N4BP2L2: variants seen among roughly 807,000 people sequenced by gnomAD.
The protein encoded by N4BP2L2 is NEDD4-binding protein 2-like 2.
A neutral mutation model predicts 56.2 loss-of-function variants in N4BP2L2; 50 were observed. That is an observed-to-expected ratio of 0.89 (90% confidence interval 0.71 to 1.13). The LOEUF is 1.13. Among genes scored for constraint, N4BP2L2 ranks in the 50% most tolerant of loss-of-function variants. The pLI, the probability that N4BP2L2 is intolerant of heterozygous loss-of-function variation, is 0.00. For synonymous variants in N4BP2L2, 203 were observed against 223.6 expected, an observed-to-expected ratio of 0.91 and a Z score of 0.82; for missense variants, 689 against 693.8, an observed-to-expected ratio of 0.99 and a Z score of 0.08.
chr13:32,516,882 G>T (rs2049346595), exon 6 of N4BP2L2: 2 of 984,134 alleles, frequency 2.0e-6, no homozygotes, highest in Middle Eastern at 1.0e-3. Flanking sequence ...TGAATGACAA[G>T]ACCTCTGAAA....
In N4BP2L2 at chr13:32,443,558, C is replaced by A. The variant is rs190057029; in HGVS notation, c.934G>T (p.Val312Leu). The change falls in exon 7 of 10, where the codon GTA becomes TTA. Residue 312 changes from valine to leucine, a missense_variant. Val to Leu is a conservative substitution (Grantham distance 32). Coordinates refer to the N4BP2L2 transcript ENST00000357505. ...GGTTCATGTGAGAGATTTTTATCTACTATTTCTCTCTTCTTCATAAATAAG... is the reference window on the plus strand; with the variant it reads ...GGTTCATGTGAGAGATTTTTATCTAATATTTCTCTCTTCTTCATAAATAAG... The A allele has an allele frequency of 1.0e-4, 169 of 1,610,732 alleles. No homozygotes were observed. In the African/African-American group the frequency reaches 1.9e-3, roughly 19 times the overall value.
intron 8 of N4BP2L2, among the ~76,000 whole-genome samples, chr13:32,436,571 C>T (rs1161378998): frequency 1.3e-5 from 2 of 151,956 alleles, no homozygotes; most frequent in South Asian, 2.1e-4. Context: ...GGGTGGATCA[C>T]CTGAGGTCAG....
At chr13:32,535,339 T>G (rs1033147419) in intron 2 of N4BP2L2, among the ~76,000 whole-genome samples, 1 of 152,260 alleles carries the variant, frequency 6.6e-6, no homozygotes, top group Non-Finnish European at 1.5e-5. Flanking sequence ...AGTTCTCAAG[T>G]AGCATTTGCT....
At chr13:32,455,214 A>C (rs2078766602) in intron 6 of N4BP2L2, among the ~76,000 whole-genome samples, 1 of 152,222 alleles carries the variant, frequency 6.6e-6, no homozygotes, top group East Asian at 1.9e-4. Context: ...ATGCTGGTTA[A>C]ACCCAGGGGA....
intron 6 of N4BP2L2, among the ~76,000 whole-genome samples, chr13:32,458,385 C>T (rs1222901130): frequency 1.3e-5 from 2 of 152,034 alleles, no homozygotes; most frequent in South Asian, 2.1e-4. Context: ...TTTAAATTAC[C>T]CAATTACATG....
chr13:32,480,264 A>G (rs2084334815), intron 6 of N4BP2L2, among the ~76,000 whole-genome samples: 1 of 152,210 alleles, frequency 6.6e-6, no homozygotes, highest in Non-Finnish European at 1.5e-5. Context: ...TTCTATATCT[A>G]TTGACAATAT....
At chr13:32,480,749 T>C (rs542767655) in intron 6 of N4BP2L2, 1 of 525,286 alleles carries the variant, frequency 1.9e-6, no homozygotes, top group East Asian at 7.3e-5. Context: ...TTTTATAGAC[T>C]GAAGAACTCA....
intron 6 of N4BP2L2, among the ~76,000 whole-genome samples, chr13:32,465,498 T>G (rs1484671749): frequency 6.6e-6 from 1 of 152,126 alleles, no homozygotes; most frequent in East Asian, 1.9e-4. Context: ...AGAAATTTAT[T>G]TTATAGCCTT....
chr13:32,504,192 T>C (rs1208141897), intron 6 of N4BP2L2, among the ~76,000 whole-genome samples: 6 of 152,188 alleles, frequency 3.9e-5, no homozygotes, highest in Non-Finnish European at 8.8e-5. Flanking sequence ...AAGAAGGAAA[T>C]GTCTCCAAAG....
chr13:32,506,276 G>A (rs969739186), downstream of N4BP2L2: 4 of 152,092 alleles, frequency 2.6e-5, no homozygotes, highest in African/African-American at 9.7e-5. Flanking sequence ...CCACCCATAT[G>A]ACTTCATTTT....
chr13:32,510,136 A>C (rs991192919), downstream of N4BP2L2, among the ~76,000 whole-genome samples: 1 of 152,128 alleles, frequency 6.6e-6, no homozygotes, highest in Non-Finnish European at 1.5e-5. Flanking sequence ...AAATATTCGG[A>C]AAATTTATGT....
At chr13:32,484,095 T>G (rs926378522) in intron 6 of N4BP2L2, among the ~76,000 whole-genome samples, 1 of 151,994 alleles carries the variant, frequency 6.6e-6, no homozygotes, top group African/African-American at 2.4e-5. Flanking sequence ...GGAGTGCTTC[T>G]GCCAAGAGTT....
At chr13:32,476,233 G>C (rs750391023) in intron 6 of N4BP2L2, among the ~76,000 whole-genome samples, 1 of 152,188 alleles carries the variant, frequency 6.6e-6, no homozygotes, top group Non-Finnish European at 1.5e-5. Context: ...TGGATCTTCA[G>C]GGTTTTTGTA....
At chr13:32,522,144 G>A in intron 4 of N4BP2L2, 38 bp downstream of exon 4, 1 of 1,332,438 alleles carries the variant, frequency 7.5e-7, no homozygotes. Flanking sequence ...AAATTGACAA[G>A]AATAAAAAAT....
exon 6 of N4BP2L2, chr13:32,516,297 A>G (rs1357522601): frequency 3.3e-5 from 5 of 152,252 alleles, no homozygotes; most frequent in Non-Finnish European, 7.3e-5. Context: ...TTACACACAA[A>G]ACATGAATTA....
At chr13:32,477,147 C>CGGCG in intron 6 of N4BP2L2, 1 of 590,916 alleles carries the variant, frequency 1.7e-6, no homozygotes, top group South Asian at 1.5e-5. Flanking sequence ...CACTATCATA[C>CGGCG]ACCAGCTGAG....
intron 6 of N4BP2L2, among the ~76,000 whole-genome samples, chr13:32,502,539 T>G (rs1367627184): frequency 6.6e-6 from 1 of 152,192 alleles, no homozygotes; most frequent in Non-Finnish European, 1.5e-5. Context: ...CTCTAAAATA[T>G]TCATCTTGCT....
chr13:32,436,394 C>T, exon 9 of N4BP2L2: 1 of 1,243,286 alleles, frequency 8.0e-7, no homozygotes, highest in Non-Finnish European at 1.1e-6. Flanking sequence ...AACCAATCTT[C>T]TTCTGTCTTT....
At chr13:32,443,771 C>T (rs1317452998) in exon 7 of N4BP2L2, 7 of 1,578,544 alleles carry the variant, frequency 4.4e-6, no homozygotes, top group Non-Finnish European at 1.7e-6. Flanking sequence ...TTATCACCTT[C>T]CTTAGAGAGG....
Sources: gnomAD v4.1 joint callset for allele counts (sites outside exome capture counted in the v4.1 genomes callset) on GRCh38, gnomAD v4.1.1 for gene constraint, MANE v1.5 for transcripts, NCBI Gene and HGNC (gene_info 2026-07-23, HGNC 2026-07-21) for gene names.